The following COX18 variants were observed in gnomAD, a reference collection of about 807,000 sequenced individuals.
COX18 encodes the protein cytochrome c oxidase assembly protein COX18, mitochondrial.
Under a neutral mutation model 38.0 loss-of-function variants are expected in COX18, and 45 were observed. The ratio of observed to expected loss-of-function variants is 1.18; its 90% CI spans 0.93 to 1.52. The LOEUF (loss-of-function observed/expected upper bound fraction) is 1.52, where lower values mean the gene tolerates loss of function less well. COX18 is among the 40% of genes most tolerant of loss of function. COX18 has a pLI of 0.00. For missense variants in COX18, 462 were observed against 423.8 expected (o/e 1.09, Z -0.79); for synonymous variants, 177 against 169.8 (o/e 1.04, Z -0.33).
At position 73,058,354 on chromosome 4, in the gene COX18, A is replaced by G. The variant is rs534636463; in HGVS notation, c.832-67T>C. ...AAGGACATCACAGTCCAGACAATAA[A>G]AAATAAAATGACAATCTTTGTAAAT... On this transcript the variant is annotated intron_variant, in intron 5 of 5. Coordinates refer to ENST00000507544, the MANE Select transcript of COX18 (RefSeq NM_001297732.2). 21 of 1,186,336 alleles carry G rather than the reference A, an allele frequency of 1.8e-5. No individual in the cohort carries two copies. The African/African-American group carries it at 2.6e-4, about 15-fold the overall frequency. 73.5% of individuals were successfully genotyped at this position (1,186,336 alleles called of 1,614,324 possible).
At chr4:73,065,438 A>T (rs758550982) in intron 2 of COX18, 25 bp from the exon 3 acceptor site, 3 of 1,579,734 alleles carry the variant, frequency 1.9e-6, no homozygotes, top group Non-Finnish European at 2.6e-6. Flanking sequence ...GGGGGAAAAA[A>T]GGGGAAAGAG....
rs1160653089 is a variant in COX18, at chr4:73,065,374, C to T, written c.474G>A (p.Glu158=). 2 of 1,613,510 alleles carry T rather than the reference C, an allele frequency of 1.2e-6. No individual in the cohort carries two copies. Among genetic ancestry groups the T allele is most frequent in the Admixed American group, 3.3e-5 (2 of 59,942 alleles). ...YLKNMRRLIS[E]LYVRDNCHPF... is the part of the protein sequence containing the mutation. ...GGTGGCAGTTATCTCGCACATATAGCTCTGAAATTAGCCTCCTCATATTCT... is the reference window on the plus strand; with the variant it reads ...GGTGGCAGTTATCTCGCACATATAGTTCTGAAATTAGCCTCCTCATATTCT... Residue 158 remains glutamate, a synonymous_variant, in exon 3 of 6, where the codon GAG becomes GAA. Coordinates refer to ENST00000507544, the MANE Select transcript of COX18 (RefSeq NM_001297732.2).
chr4:73,069,733 G>T, upstream of COX18: 1 of 1,319,440 alleles, frequency 7.6e-7, no homozygotes, highest in Non-Finnish European at 1.0e-6. Flanking sequence ...ACGCGCACGC[G>T]CCAGCAACAG....
At chr4:73,065,510 T>C in intron 2 of COX18, 97 bp from the exon 3 acceptor site, 2 of 1,056,272 alleles carry the variant, frequency 1.9e-6, no homozygotes, top group Admixed American at 4.6e-5. Flanking sequence ...CTGTAGTTAT[T>C]AGCTAAAGGA....
rs111538426 is a variant in COX18, at chr4:73,069,642, C to G, written c.8G>C (p.Cys3Ser). Residue 3 changes from cysteine to serine, a missense_variant, in exon 1 of 6, where the codon TGC (cysteine) becomes TCC (serine). Transcript: ENST00000507544. Reference sequence around the variant, plus strand: ...CCGCAGCCACCGACCGCCGAGCCGGCACAGCATTTCTGCACCACGGCGGAG... The same window carrying G: ...CCGCAGCCACCGACCGCCGAGCCGGGACAGCATTTCTGCACCACGGCGGAG... The part of the protein sequence containing the change: ML[C>S]RLGGRWLRPL... The G allele has an allele frequency of 1.3e-6, 2 of 1,549,134 alleles. No homozygotes were observed. The highest frequency in any genetic ancestry group is 2.4e-5 in the East Asian group (1 of 42,092).
chr4:73,069,667 G>T lies in COX18; in HGVS notation c.-18C>A. On this transcript the variant is annotated 5_prime_UTR_variant, in exon 1 of 6. Coordinates refer to ENST00000507544, the MANE Select transcript of COX18 (RefSeq NM_001297732.2). ...CACAGCATTTCTGCACCACGGCGGA[G>T]CCCAGATCCCGGGCCTCACAATCCA... is the stretch of plus-strand genomic sequence containing the variant. The T allele has an allele frequency of 6.5e-7, 1 of 1,540,484 alleles. No homozygotes were observed. Among genetic ancestry groups the T allele is most frequent in the Non-Finnish European group, 8.7e-7 (1 of 1,148,452 alleles).
chr4:73,063,080 G>A (rs976648764), intron 4 of COX18, among the ~76,000 whole-genome samples: 3 of 152,068 alleles, frequency 2.0e-5, no homozygotes, highest in African/African-American at 4.8e-5. Context: ...TGAGGCGGGC[G>A]GATCATTTGA....
chr4:73,069,745 G>A (rs544715737), upstream of COX18: 11 of 1,230,760 alleles, frequency 8.9e-6, no homozygotes, highest in Non-Finnish European at 1.1e-5. Flanking sequence ...CAGCAACAGC[G>A]GGCATAAAGC....
At chr4:73,059,731 T>C (rs1272337276) in intron 5 of COX18, among the ~76,000 whole-genome samples, 1 of 152,174 alleles carries the variant, frequency 6.6e-6, no homozygotes. Context: ...TTTAAAACAG[T>C]GCTTAGCACA....
intron 1 of COX18, 147 bp from the exon 2 acceptor site, chr4:73,068,276 A>T: frequency 1.8e-6 from 1 of 566,866 alleles, no homozygotes; most frequent in Non-Finnish European, 3.0e-6. Flanking sequence ...CAAGATGTTA[A>T]TTTGCTTAAA....
In COX18 at chr4:73,053,456, C is replaced by T. The variant is rs1177685589; in HGVS notation, c.*4658G>A. The T allele has an allele frequency of 6.6e-6, 1 of 152,286 alleles. No homozygotes were observed. Among genetic ancestry groups the T allele is most frequent in the Non-Finnish European group, 1.5e-5 (1 of 68,048 alleles). The allele number at this position is 152,286 out of a possible 1,614,324, so 9.4% of individuals were successfully genotyped here. A position where few individuals can be genotyped will look rare whatever the true frequency, so the allele number is the denominator to read the frequency against. ...CCCATAGTACTTAACCAATCAGAAA[C>T]TGGGGGAAGGACTTGTGTGCTAGGA... On this transcript the variant is annotated 3_prime_UTR_variant, in exon 6 of 6. Transcript: ENST00000507544.
intron 4 of COX18, among the ~76,000 whole-genome samples, chr4:73,062,885 A>C (rs1303283345): frequency 6.6e-6 from 1 of 151,882 alleles, no homozygotes; most frequent in African/African-American, 2.4e-5. Flanking sequence ...CATAATTATG[A>C]CTCTAGAGCC....
chr4:73,064,253 CAAAAAAAAAA>C (rs36219190), intron 4 of COX18, among the ~76,000 whole-genome samples: 67,781 of 146,804 alleles, frequency 0.46, 15,266 homozygotes, highest in Admixed American at 0.53. Flanking sequence ...AACTCCATCT[CAAAAAAAAAA>C]GAAAAAAAAA....
intron 2 of COX18, among the ~76,000 whole-genome samples, chr4:73,067,823 A>G (rs1392370096): frequency 4.5e-5 from 6 of 133,404 alleles, no homozygotes; most frequent in African/African-American, 1.7e-4. Flanking sequence ...ACTGGGCACC[A>G]AGAGCAAAAC....
At chr4:73,059,579 C>CT (rs1341597873) in intron 5 of COX18, among the ~76,000 whole-genome samples, 4 of 152,176 alleles carry the variant, frequency 2.6e-5, no homozygotes, top group Non-Finnish European at 5.9e-5. Flanking sequence ...TGTTAAGACT[C>CT]TATCACTTAT....
chr4:73,066,137 G>A (rs1005757360), intron 2 of COX18, among the ~76,000 whole-genome samples: 9 of 152,154 alleles, frequency 5.9e-5, no homozygotes, highest in African/African-American at 2.2e-4. Flanking sequence ...AAATTATAGT[G>A]TATAATAAGA....
Position 73,069,618 on chromosome 4 carries a change from C to A in COX18, c.32G>T (p.Arg11Leu), listed in dbSNP as rs747076832. MLCRLGGRWL[R>L]PLPALQLWAR... The stretch of plus-strand genomic sequence containing the variant: ...CCAAAGCTGCAGGGCAGGGAGCGGC[C>A]GCAGCCACCGACCGCCGAGCCGGCA... The change falls in exon 1 of 6, where the codon CGG (arginine) becomes CTG (leucine). Residue 11 changes from arginine (R) to leucine (L), a missense_variant. Physicochemically the swap from Arg to Leu is moderately radical, Grantham distance 102 (BLOSUM62 -2). Transcript: ENST00000507544. 47 of 1,551,082 alleles carry A rather than the reference C, an allele frequency of 3.0e-5. No homozygotes were observed. Among genetic ancestry groups the A allele is most frequent in the Non-Finnish European group, 3.8e-5 (44 of 1,152,474 alleles).
At position 73,053,451 on chromosome 4, in the gene COX18, A is replaced by G. The variant is rs547017587; in HGVS notation, c.*4663T>C. 7 of 152,306 alleles carry G rather than the reference A, an allele frequency of 4.6e-5. No homozygotes were observed. In the South Asian group the frequency reaches 6.2e-4, roughly 14 times the overall value. The allele number at this position is 152,306 out of a possible 1,614,324, so 9.4% of individuals were successfully genotyped here. A position where few individuals can be genotyped will look rare whatever the true frequency, so the allele number is the denominator to read the frequency against. Reference sequence around the variant, plus strand: ...GTAATCCCATAGTACTTAACCAATCAGAAACTGGGGGAAGGACTTGTGTGC... The same window carrying G: ...GTAATCCCATAGTACTTAACCAATCGGAAACTGGGGGAAGGACTTGTGTGC... On this transcript the variant is annotated 3_prime_UTR_variant, in exon 6 of 6. Transcript: ENST00000507544.
intron 4 of COX18, among the ~76,000 whole-genome samples, chr4:73,063,364 T>A (rs1037003130): frequency 2.6e-5 from 4 of 152,164 alleles, no homozygotes; most frequent in African/African-American, 9.7e-5. Context: ...ATAGTGTATG[T>A]TGAGTAAGAA....
Sources: gnomAD v4.1 joint callset for allele counts (sites outside exome capture counted in the v4.1 genomes callset) on GRCh38, gnomAD v4.1.1 for gene constraint, MANE v1.5 for transcripts, NCBI Gene and HGNC (gene_info 2026-07-23, HGNC 2026-07-21) for gene names.